THADA: variants seen among roughly 807,000 people sequenced by gnomAD.
THADA encodes THADA armadillo repeat containing.
In THADA, 213 loss-of-function variants were observed where a neutral mutation model predicts 219.8. That is an observed-to-expected ratio of 0.97 (90% CI 0.87 to 1.09). THADA has a LOEUF of 1.09. Ranked by LOEUF, THADA falls within the 50% of genes least tolerant of loss-of-function variation. The pLI is 0.00. For missense variants in THADA, 2,956 were observed against 2,311.3 expected (o/e 1.28, Z -5.72); for synonymous variants, 1,018 against 828.9 (o/e 1.23, Z -3.92).
At chr2:43,255,756 G>GA (rs1670242552) in intron 36 of THADA, among the ~76,000 whole-genome samples, 1 of 152,314 alleles carries the variant, frequency 6.6e-6, no homozygotes, top group African/African-American at 2.4e-5. Context: ...TTTCCAGCTG[G>GA]GGTGAAGCCT....
intron 11 of THADA, among the ~76,000 whole-genome samples, chr2:43,574,052 A>G (rs1038552060): frequency 4.8e-5 from 3 of 62,900 alleles, no homozygotes; most frequent in African/African-American, 1.8e-4. Context: ...GATACAATAA[A>G]ATAAATTCAG....
chr2:43,485,704 T>C (rs536479520), intron 25 of THADA, among the ~76,000 whole-genome samples: 4 of 152,094 alleles, frequency 2.6e-5, no homozygotes, highest in Admixed American at 2.6e-4. Flanking sequence ...TTTTCTGAAA[T>C]CATTTTACCT....
chr2:43,285,862 T>C (rs1168230281), intron 35 of THADA, among the ~76,000 whole-genome samples: 1 of 152,190 alleles, frequency 6.6e-6, no homozygotes, highest in Admixed American at 6.5e-5. Flanking sequence ...AGGTAGTTCT[T>C]TATAGCAGTG....
chr2:43,595,422 C>G (rs908835096), intron 1 of THADA, among the ~76,000 whole-genome samples: 1 of 152,180 alleles, frequency 6.6e-6, no homozygotes, highest in African/African-American at 2.4e-5. Flanking sequence ...GACTGGGAAA[C>G]CTAACTAGGG....
chr2:43,514,283 C>G (rs1316191500), intron 22 of THADA, among the ~76,000 whole-genome samples: 3 of 149,214 alleles, frequency 2.0e-5, no homozygotes, highest in African/African-American at 7.4e-5. Context: ...AACACTATCT[C>G]TACAAAAAAA....
chr2:43,581,703 C>G (rs1275481224), intron 8 of THADA, 38 bp downstream of exon 8: 3 of 1,543,910 alleles, frequency 1.9e-6, no homozygotes, highest in Non-Finnish European at 2.6e-6. Flanking sequence ...TTTTAACTGT[C>G]AATTATATAT....
At chr2:43,536,695 C>G (rs1694648733) in intron 21 of THADA, among the ~76,000 whole-genome samples, 1 of 151,930 alleles carries the variant, frequency 6.6e-6, no homozygotes, top group South Asian at 2.1e-4. Context: ...AAATGCTCAT[C>G]TAAAGCATAA....
chr2:43,572,761 T>A (rs1699435687), intron 12 of THADA, 53 bp downstream of exon 12: 1 of 1,544,544 alleles, frequency 6.5e-7, no homozygotes, highest in African/African-American at 1.4e-5. Flanking sequence ...ATTGAACTGC[T>A]ACATGAAAGG....
intron 26 of THADA, among the ~76,000 whole-genome samples, chr2:43,464,558 A>G (rs573320175): frequency 4.3e-4 from 65 of 152,300 alleles, no homozygotes; most frequent in Middle Eastern, 3.4e-3. Flanking sequence ...AATTAAGTTA[A>G]GAAGGCTATT....
intron 29 of THADA, among the ~76,000 whole-genome samples, chr2:43,347,188 A>C (rs907601849): frequency 5.3e-5 from 8 of 152,230 alleles, no homozygotes. Context: ...ACCAGTTATC[A>C]GTTTTGCGGC....
chr2:43,328,570 G>C (rs779388563), intron 30 of THADA, among the ~76,000 whole-genome samples: 15 of 152,222 alleles, frequency 9.9e-5, no homozygotes, highest in Admixed American at 2.0e-4. Context: ...CATGCACAAA[G>C]TGAGAGACCG....
intron 26 of THADA, among the ~76,000 whole-genome samples, chr2:43,435,017 C>T (rs574468572): frequency 3.3e-5 from 5 of 152,190 alleles, no homozygotes; most frequent in Admixed American, 6.5e-5. Flanking sequence ...AGCAGCTGGG[C>T]GCTAAGAAGC....
chr2:43,233,014 G>T, intron 36 of THADA, 132 bp from the exon 37 acceptor site: 1 of 930,488 alleles, frequency 1.1e-6, no homozygotes, highest in African/African-American at 1.7e-5. Context: ...GAAGCTGGTA[G>T]GGTGGGCTCA....
At position 43,591,950 on chromosome 2, in the gene THADA, A is replaced by G. The variant is rs766143228; in HGVS notation, c.171+2T>C. 3.6e-5 allele frequency: 54 copies of G among 1,515,752 alleles called. 1 individual carries two copies. The highest frequency in any genetic ancestry group is 2.3e-5 in the Non-Finnish European group (26 of 1,126,758). 93.9% of individuals were successfully genotyped at this position (1,515,752 alleles called of 1,614,324 possible). ...CATCCATGAATATCAATTCAGACTT[A>G]CCTGTTTAATATAATGGATTTGTGA... On this transcript the variant is annotated splice_donor_variant, in intron 3 of 37. Coordinates refer to ENST00000405975, the MANE Select transcript of THADA (RefSeq NM_022065.5). LOFTEE classifies it high-confidence loss of function.
At chr2:43,484,525 T>A (rs1686642998) in intron 26 of THADA, 1 of 169,114 alleles carries the variant, frequency 5.9e-6, no homozygotes, top group South Asian at 2.0e-4. Flanking sequence ...GCAAGTCAAT[T>A]AGATTACCAT....
intron 30 of THADA, among the ~76,000 whole-genome samples, chr2:43,341,791 G>T (rs1667090859): frequency 6.6e-6 from 1 of 152,304 alleles, no homozygotes; most frequent in Middle Eastern, 3.4e-3. Context: ...CCTATTACCT[G>T]GCAAACAGCT....
At chr2:43,541,081 T>C in intron 21 of THADA, 78 bp downstream of exon 21, 1 of 1,367,074 alleles carries the variant, frequency 7.3e-7, no homozygotes, top group Admixed American at 3.2e-5. Flanking sequence ...AACCTTTTTT[T>C]AGAGTTGGGT....
intron 30 of THADA, among the ~76,000 whole-genome samples, chr2:43,323,159 T>C (rs1372824234): frequency 1.3e-5 from 2 of 152,146 alleles, no homozygotes; most frequent in Admixed American, 1.3e-4. Context: ...TGTTTTGTTC[T>C]GAGACAGGGT....
chr2:43,431,642 C>CTTT (rs60078886), intron 26 of THADA, among the ~76,000 whole-genome samples: 1 of 11,568 alleles, frequency 8.6e-5, no homozygotes, highest in Non-Finnish European at 1.6e-4. Context: ...ATTTTTTGTA[C>CTTT]TTTTTTTTTT....
Sources: gnomAD v4.1 joint callset for allele counts (sites outside exome capture counted in the v4.1 genomes callset) on GRCh38, gnomAD v4.1.1 for gene constraint, MANE v1.5 for transcripts, NCBI Gene and HGNC (gene_info 2026-07-23, HGNC 2026-07-21) for gene names.